Variants in NEDD4 observed in about 807,000 individuals in gnomAD.
NEDD4 encodes the protein NEDD4 E3 ubiquitin protein ligase, also known as E3 ubiquitin-protein ligase NEDD4.
NEDD4 carries 99 observed loss-of-function variants against 144.9 expected under a neutral mutation model. That is an observed-to-expected ratio of 0.68 (90% CI 0.58 to 0.81). NEDD4 has a LOEUF of 0.81. Ranked by LOEUF, NEDD4 falls within the 30% of genes least tolerant of loss-of-function variation. NEDD4 has a pLI of 0.00. For missense variants in NEDD4, 985 were observed against 1,065.9 expected (o/e 0.92, Z 1.06); for synonymous variants, 318 against 350.6 (o/e 0.91, Z 1.04).
At chr15:55,923,657 A>ATATAT (rs1555404578) in intron 5 of NEDD4, among the ~76,000 whole-genome samples, 3 of 129,204 alleles carry the variant, frequency 2.3e-5, no homozygotes, top group East Asian at 5.4e-4. Context: ...AAAAAAAAAA[A>ATATAT]AAATATATAT....
intron 5 of NEDD4, among the ~76,000 whole-genome samples, chr15:55,911,256 A>T (rs912284536): frequency 1.3e-5 from 2 of 152,112 alleles, no homozygotes; most frequent in African/African-American, 4.8e-5. Flanking sequence ...GAGGCCAGGG[A>T]TGCTGTTAAA....
chr15:55,942,866 G>C (rs1418722353), intron 4 of NEDD4, among the ~76,000 whole-genome samples: 1 of 152,182 alleles, frequency 6.6e-6, no homozygotes, highest in Non-Finnish European at 1.5e-5. Context: ...GAATTTCCTA[G>C]AGACTTGTTG....
intron 7 of NEDD4, 150 bp from the exon 8 acceptor site, chr15:55,869,831 A>G (rs2142057995): frequency 2.4e-6 from 1 of 420,740 alleles, no homozygotes; most frequent in East Asian, 3.9e-5. Flanking sequence ...ATCTAGGGAA[A>G]GGAATAGAAG....
chr15:55,980,571 T>C (rs1010873218), intron 1 of NEDD4, among the ~76,000 whole-genome samples: 7 of 151,882 alleles, frequency 4.6e-5, no homozygotes, highest in Non-Finnish European at 7.4e-5. Context: ...AGGAATAAAT[T>C]TGGAAAGAAG....
chr15:55,923,552 C>G (rs2036607379), intron 5 of NEDD4, among the ~76,000 whole-genome samples: 8 of 150,368 alleles, frequency 5.3e-5, no homozygotes, highest in Admixed American at 4.7e-4. Flanking sequence ...GAGGCTAAGG[C>G]AGGGGAACTG....
rs117693137 is a variant in NEDD4 at position 55,860,110 on chromosome 15, C to T, written c.960+297G>A. Among the ~76,000 whole-genome samples the T allele has an allele frequency of 6.5e-4, 99 of 152,288 alleles. 1 individual carries two copies. The East Asian group carries it at 9.8e-3, about 15-fold the overall frequency. On this transcript the variant is annotated intron_variant, in intron 11 of 28. Coordinates refer to ENST00000435532, the MANE Select transcript of NEDD4 (RefSeq NM_006154.4). ...TTCTGCTACCAAAACACCAATGGTG[C>T]GTGTTCTCCCTTGCTGAAATGAATA...
chr15:55,959,368 AT>A (rs1693652177), intron 2 of NEDD4, among the ~76,000 whole-genome samples: 1 of 152,152 alleles, frequency 6.6e-6, no homozygotes, highest in South Asian at 2.1e-4. Context: ...AACATCCTCT[AT>A]ATGATTTCAA....
intron 1 of NEDD4, among the ~76,000 whole-genome samples, chr15:55,981,298 C>T (rs1431612026): frequency 2.0e-5 from 3 of 152,054 alleles, no homozygotes; most frequent in Non-Finnish European, 4.4e-5. Context: ...CTCCTGACCT[C>T]AGGTGATCCA....
Position 55,851,197 on chromosome 15 carries a change from C to T in NEDD4, c.1147-455G>A, listed in dbSNP as rs553220566. On this transcript the variant is annotated intron_variant, in intron 13 of 28. Transcript: ENST00000435532. ...GAAGTAGATTCAAATGATGGGCAGA[C>T]AAAATGAATGGCAAATATCTACCAC... Among the ~76,000 whole-genome samples, 194 of 151,962 alleles carry T rather than the reference C, an allele frequency of 1.3e-3. 1 individual carries two copies. Among genetic ancestry groups the T allele is most frequent in the African/African-American group, 4.6e-3 (191 of 41,440 alleles).
chr15:55,989,049 A>G (rs1454448647), intron 1 of NEDD4, among the ~76,000 whole-genome samples: 1 of 152,176 alleles, frequency 6.6e-6, no homozygotes, highest in Non-Finnish European at 1.5e-5. Context: ...CAGCCTGGCC[A>G]ACATGGTAAA....
chr15:55,936,117 CTAAATGA>C (rs1394789479), intron 4 of NEDD4, among the ~76,000 whole-genome samples: 1 of 152,100 alleles, frequency 6.6e-6, no homozygotes, highest in Non-Finnish European at 1.5e-5. Context: ...TAAAAGCATC[CTAAATGA>C]TACACTTTGT....
intron 1 of NEDD4, among the ~76,000 whole-genome samples, chr15:55,981,732 T>C (rs2037807699): frequency 6.6e-6 from 1 of 152,188 alleles, no homozygotes; most frequent in South Asian, 2.1e-4. Flanking sequence ...ATTTGTTACA[T>C]ATGCAAATGT....
At chr15:55,852,368 T>A (rs1165374699) in intron 13 of NEDD4, 56 bp downstream of exon 13, 1 of 1,559,752 alleles carries the variant, frequency 6.4e-7, no homozygotes, top group Non-Finnish European at 8.7e-7. Context: ...ATAGTTTACA[T>A]AGGGATGTGA....
At chr15:55,841,866 C>T (rs766725469) in intron 19 of NEDD4, 68 bp downstream of exon 19, 35 of 1,384,250 alleles carry the variant, frequency 2.5e-5, no homozygotes, top group South Asian at 3.6e-5. Context: ...CCACTGCACC[C>T]GGCCGACTCT....
intron 4 of NEDD4, among the ~76,000 whole-genome samples, chr15:55,946,418 A>G (rs1444668031): frequency 6.6e-6 from 1 of 152,254 alleles, no homozygotes; most frequent in East Asian, 1.9e-4. Flanking sequence ...GAAAGCCATT[A>G]CATAATGGTA....
At chr15:55,965,483 G>A (rs1240979280) in intron 2 of NEDD4, among the ~76,000 whole-genome samples, 1 of 152,110 alleles carries the variant, frequency 6.6e-6, no homozygotes, top group Non-Finnish European at 1.5e-5. Context: ...CTTAGGCAGT[G>A]ACTGTGATCT....
At chr15:55,972,519 T>G (rs2037628936) in intron 1 of NEDD4, among the ~76,000 whole-genome samples, 1 of 152,124 alleles carries the variant, frequency 6.6e-6, no homozygotes, top group Non-Finnish European at 1.5e-5. Context: ...TTAAAAAATC[T>G]ACAACAGACA....
intron 5 of NEDD4, chr15:55,915,501 G>T: frequency 6.2e-7 from 1 of 1,613,734 alleles, no homozygotes; most frequent in South Asian, 1.1e-5. Flanking sequence ...GTTCATCTGT[G>T]AATGTGGTCT....
At chr15:55,959,423 G>A (rs67927048) in intron 2 of NEDD4, among the ~76,000 whole-genome samples, 20,438 of 152,028 alleles carry the variant, frequency 0.13, 1,501 homozygotes, top group East Asian at 0.32. Context: ...CCCACACATG[G>A]TCTATCTTGA....
Sources: gnomAD v4.1 joint callset for allele counts (sites outside exome capture counted in the v4.1 genomes callset) on GRCh38, gnomAD v4.1.1 for gene constraint, MANE v1.5 for transcripts, NCBI Gene and HGNC (gene_info 2026-07-23, HGNC 2026-07-21) for gene names.